COQ8B: variants seen among roughly 807,000 people sequenced by gnomAD.
The protein encoded by COQ8B is coenzyme Q8B.
A neutral mutation model predicts 62.0 loss-of-function variants in COQ8B; 44 were observed. That is an observed-to-expected ratio of 0.71 (90% CI 0.56 to 0.91). COQ8B has a LOEUF of 0.91. Ranked by LOEUF, COQ8B falls within the 40% of genes least tolerant of loss-of-function variation. COQ8B has a pLI of 0.00. For missense variants in COQ8B, 649 were observed against 731.6 expected (o/e 0.89, Z 1.30); for synonymous variants, 252 against 289.9 (o/e 0.87, Z 1.33).
intron 9 of COQ8B, chr19:40,703,323 C>A (rs1374672535): frequency 1.9e-6 from 1 of 530,474 alleles, no homozygotes; most frequent in Non-Finnish European, 3.3e-6. Context: ...CCCTGGGCTC[C>A]CGTCTCTCTA....
chr19:40,706,004 GAGTAACTACTAC>G (rs1247632021), intron 5 of COQ8B, among the ~76,000 whole-genome samples: 2 of 151,584 alleles, frequency 1.3e-5, no homozygotes, highest in Non-Finnish European at 2.9e-5. Context: ...GAGAGTCAAA[GAGTAACTACTAC>G]AGTATTGAAT....
intron 4 of COQ8B, among the ~76,000 whole-genome samples, chr19:40,713,172 G>A (rs990576627): frequency 6.6e-6 from 1 of 152,186 alleles, no homozygotes; most frequent in African/African-American, 2.4e-5. Flanking sequence ...GACCAGCCTG[G>A]CCAACATGGT....
rs66501221 is a variant in COQ8B, at chr19:40,697,822, T to TTATATATA, written c.1144-1776_1144-1769dup. On this transcript the variant is annotated intron_variant, in intron 12 of 14. Coordinates refer to ENST00000324464, the MANE Select transcript of COQ8B (RefSeq NM_024876.4). ...TCTCTAAACAAACAAATAAATAAAA[T>TTATATATA]TATATATATATATATATATATATAT... 4.6e-3 allele frequency among the ~76,000 whole-genome samples: 365 copies of TTATATATA among 79,028 alleles called. 7 individuals carry two copies. The highest frequency in any genetic ancestry group is 7.6e-3 in the Middle Eastern group (1 of 132). The allele number at this position is 79,028 out of a possible 152,430, so 51.8% of individuals were successfully genotyped here.
At chr19:40,712,746 T>C (rs1371100985) in intron 4 of COQ8B, among the ~76,000 whole-genome samples, 2 of 152,252 alleles carry the variant, frequency 1.3e-5, no homozygotes, top group East Asian at 3.8e-4. Flanking sequence ...TTTTAAATGC[T>C]GGTTGCAACC....
At chr19:40,714,039 C>T (rs775132059) in intron 4 of COQ8B, 28 bp downstream of exon 4, 1 of 1,613,406 alleles carries the variant, frequency 6.2e-7, no homozygotes. Context: ...ATTGAGGTCA[C>T]ACCAAGATCC....
intron 13 of COQ8B, among the ~76,000 whole-genome samples, 186 bp from the exon 14 acceptor site, chr19:40,693,223 A>G (rs1322111078): frequency 1.3e-5 from 2 of 152,144 alleles, no homozygotes; most frequent in East Asian, 3.9e-4. Flanking sequence ...ACTCTTCCAG[A>G]GCCTGGGAGT....
At chr19:40,712,090 T>A (rs1187521669) in intron 4 of COQ8B, among the ~76,000 whole-genome samples, 1 of 151,972 alleles carries the variant, frequency 6.6e-6, no homozygotes, top group Non-Finnish European at 1.5e-5. Context: ...TGGTGCGATC[T>A]TGGTTCACTG....
At position 40,716,646 on chromosome 19, in the gene COQ8B, G is replaced by A. The variant is rs892084153; in HGVS notation, c.-63C>T. 1 of 152,350 alleles carries A rather than the reference G, an allele frequency of 6.6e-6. No individual in the cohort carries two copies. Among genetic ancestry groups the A allele is most frequent in the Non-Finnish European group, 1.5e-5 (1 of 68,132 alleles). The allele number at this position is 152,350 out of a possible 1,614,324, so 9.4% of individuals were successfully genotyped here. A position where few individuals can be genotyped will look rare whatever the true frequency, so the allele number is the denominator to read the frequency against. ...GGTAGCGGAGCTGGGAACTGGCAGA[G>A]GAAGGTCTCGAACCCACACCCGTGG... On this transcript the variant is annotated 5_prime_UTR_variant, in exon 1 of 15. Transcript: ENST00000324464.
At position 40,692,107 on chromosome 19, in the gene COQ8B, G is replaced by A. The variant is rs764965671; in HGVS notation, c.1563C>T (p.Ala521=). ...LFQDTYHRYW[A]SRQPDAATAG... is the part of the protein sequence containing the mutation. ...CAGTGGCTGCGTCTGGCTGGCGACT[G>A]GCCCAGTAGCGGTGGTAGGTGTCCT... Residue 521 remains alanine (A), a synonymous_variant, in exon 15 of 15, where the codon GCC becomes GCT. Transcript: ENST00000324464. 4.4e-6 allele frequency: 7 copies of A among 1,608,470 alleles called. No homozygotes were observed. Among genetic ancestry groups the A allele is most frequent in the Middle Eastern group, 1.7e-4 (1 of 6,020 alleles).
At chr19:40,695,282 C>CA (rs1260214447) in intron 13 of COQ8B, among the ~76,000 whole-genome samples, 1 of 145,428 alleles carries the variant, frequency 6.9e-6, no homozygotes, top group African/African-American at 2.6e-5. Flanking sequence ...CGAGCCACTG[C>CA]ACTCCAGCCT....
chr19:40,701,714 C>T (rs1568439412), intron 10 of COQ8B, among the ~76,000 whole-genome samples: 1 of 152,140 alleles, frequency 6.6e-6, no homozygotes, highest in Non-Finnish European at 1.5e-5. Context: ...ATGCAGGCCA[C>T]GTAACCTGTT....
At chr19:40,708,631 T>G (rs1166249912) in intron 5 of COQ8B, among the ~76,000 whole-genome samples, 1 of 151,938 alleles carries the variant, frequency 6.6e-6, no homozygotes, top group Admixed American at 6.6e-5. Flanking sequence ...CTTTTTATTT[T>G]GAAAAAAATA....
intron 2 of COQ8B, 58 bp downstream of exon 2, chr19:40,714,473 A>C: frequency 6.2e-7 from 1 of 1,612,964 alleles, no homozygotes. Flanking sequence ...CTGTCCTTTT[A>C]CCCTCTGAAG....
At chr19:40,696,220 G>A (rs900037234) in intron 12 of COQ8B, among the ~76,000 whole-genome samples, 166 bp from the exon 13 acceptor site, 2 of 151,738 alleles carry the variant, frequency 1.3e-5, no homozygotes, top group African/African-American at 2.4e-5. Flanking sequence ...GTTTCCAACC[G>A]ACCCCCTAGC....
rs2082090647 is a variant in COQ8B at position 40,705,170 on chromosome 19, T to A, written c.502A>T (p.Ile168Phe). 3 of 1,613,322 alleles carry A rather than the reference T, an allele frequency of 1.9e-6. 1 individual carries two copies. In the African/African-American group the frequency reaches 4.0e-5, roughly 22 times the overall value. ...AAGATGTGCTGCAGCTGAGGGCTGA[T>A]GAAGCTGTTGTCTTGGGAGACAGTG... ...QMLSIQDNSF[I>F]SPQLQHIFER... The change falls in exon 7 of 15, where the codon ATC becomes TTC. Residue 168 changes from isoleucine to phenylalanine, a missense_variant. Physicochemically the swap from Ile to Phe is conservative, Grantham distance 21. Transcript: ENST00000324464.
At chr19:40,715,432 C>T (rs1162036813) in intron 1 of COQ8B, 2 of 985,722 alleles carry the variant, frequency 2.0e-6, no homozygotes, top group African/African-American at 3.5e-5. Context: ...TGCCAACCCC[C>T]CTTCTTATTT....
intron 5 of COQ8B, among the ~76,000 whole-genome samples, chr19:40,709,821 GAC>G (rs2082127268): frequency 6.6e-6 from 1 of 151,876 alleles, no homozygotes; most frequent in Non-Finnish European, 1.5e-5. Context: ...CAGCCTGAGC[GAC>G]AGAGTGAGAC....
chr19:40,692,050 C>T lies in COQ8B; in HGVS notation c.1620G>A (p.Trp540Ter). Residue 540 changes from tryptophan to a stop codon, truncating the protein, a stop_gained, in exon 15 of 15, where the codon TGG becomes TGA. Transcript: ENST00000324464. LOFTEE classifies it high-confidence loss of function. ...AGSLPTKGDSWVDPS is the reference protein window; with the variant it reads ...AGSLPTKGDS Reference sequence around the variant, plus strand: ...ATGGAGGCTGTCATGAGGGATCCACCCAGGAGTCCCCTTTGGTGGGGAGGC... The same window carrying T: ...ATGGAGGCTGTCATGAGGGATCCACTCAGGAGTCCCCTTTGGTGGGGAGGC... The T allele has an allele frequency of 6.2e-7, 1 of 1,603,910 alleles. No homozygotes were observed. Among genetic ancestry groups the T allele is most frequent in the South Asian group, 1.1e-5 (1 of 89,188 alleles).
At chr19:40,708,694 G>T (rs2082118650) in intron 5 of COQ8B, among the ~76,000 whole-genome samples, 1 of 151,816 alleles carries the variant, frequency 6.6e-6, no homozygotes, top group Admixed American at 6.6e-5. Flanking sequence ...TTGGGAGGCT[G>T]AGCAGGGAGG....
Sources: allele counts gnomAD v4.1 joint callset (sites outside exome capture counted in the v4.1 genomes callset), GRCh38; gene constraint gnomAD v4.1.1; transcripts MANE v1.5; gene names NCBI Gene and HGNC (gene_info 2026-07-23, HGNC 2026-07-21).